GRID1: variants seen among roughly 807,000 people sequenced by gnomAD.
GRID1 encodes the protein glutamate ionotropic receptor delta type subunit 1, also known as glutamate receptor ionotropic, delta-1.
In GRID1, 28 loss-of-function variants were observed where a neutral mutation model predicts 98.0. The ratio of observed to expected loss-of-function variants is 0.29; its 90% CI spans 0.21 to 0.39. The LOEUF is 0.39. Among genes scored for constraint, GRID1 ranks in the 10% least tolerant of loss-of-function variants. The pLI, the probability that GRID1 is intolerant of heterozygous loss-of-function variation, is 1.00. For missense variants in GRID1, 1,111 were observed against 1,340.5 expected (o/e 0.83, Z 2.67); for synonymous variants, 553 against 538.5 (o/e 1.03, Z -0.37).
intron 4 of GRID1, among the ~76,000 whole-genome samples, chr10:86,119,058 C>T (rs982501706): frequency 2.6e-5 from 4 of 152,052 alleles, no homozygotes; most frequent in African/African-American, 9.7e-5. Flanking sequence ...AAATATAGGC[C>T]GGGCACAGTG....
chr10:85,970,310 T>G (rs1366888115), intron 4 of GRID1, among the ~76,000 whole-genome samples: 1 of 152,036 alleles, frequency 6.6e-6, no homozygotes, highest in African/African-American at 2.4e-5. Context: ...ACTTCCAAAC[T>G]CATTCTAAGA....
intron 13 of GRID1, among the ~76,000 whole-genome samples, chr10:85,637,248 A>T (rs1843056281): frequency 6.6e-6 from 1 of 152,224 alleles, no homozygotes; most frequent in Non-Finnish European, 1.5e-5. Flanking sequence ...TAGGTGGTGA[A>T]AAAAGAAATA....
intron 8 of GRID1, among the ~76,000 whole-genome samples, chr10:85,768,374 G>A (rs1842217444): frequency 6.7e-6 from 1 of 150,278 alleles, no homozygotes; most frequent in Non-Finnish European, 1.5e-5. Context: ...CATAAAAGAA[G>A]AAAATAGTAA....
chr10:86,284,726 G>C (rs1169462275), intron 2 of GRID1, among the ~76,000 whole-genome samples: 1 of 152,224 alleles, frequency 6.6e-6, no homozygotes, highest in Non-Finnish European at 1.5e-5. Context: ...CAGTAAACGT[G>C]GATGCTGTGG....
At chr10:85,695,638 G>A (rs1364268544) in intron 12 of GRID1, among the ~76,000 whole-genome samples, 1 of 152,150 alleles carries the variant, frequency 6.6e-6, no homozygotes, top group Non-Finnish European at 1.5e-5. Flanking sequence ...AAAAGATGTG[G>A]AATATCTCCA....
chr10:86,189,989 C>T (rs1361286885), intron 3 of GRID1, among the ~76,000 whole-genome samples: 1 of 152,158 alleles, frequency 6.6e-6, no homozygotes, highest in Non-Finnish European at 1.5e-5. Context: ...AGGCTGTTAC[C>T]TCCTGGGACC....
At chr10:86,017,180 C>T (rs1378982642) in intron 4 of GRID1, among the ~76,000 whole-genome samples, 2 of 152,222 alleles carry the variant, frequency 1.3e-5, no homozygotes, top group Non-Finnish European at 2.9e-5. Context: ...GAGACAATAA[C>T]TCAAATCTCT....
chr10:86,114,302 G>A (rs907939038), intron 4 of GRID1, among the ~76,000 whole-genome samples: 8 of 152,084 alleles, frequency 5.3e-5, no homozygotes, highest in Non-Finnish European at 1.0e-4. Context: ...CTAACCTTGT[G>A]GTCTATGCTT....
chr10:85,815,326 G>A (rs765409392), intron 8 of GRID1, among the ~76,000 whole-genome samples: 2 of 151,980 alleles, frequency 1.3e-5, no homozygotes, highest in Non-Finnish European at 2.9e-5. Flanking sequence ...CTCCCTAAGA[G>A]TGGGAACGAG....
chr10:85,648,502 C>A (rs914162061), intron 12 of GRID1, among the ~76,000 whole-genome samples: 8 of 152,146 alleles, frequency 5.3e-5, no homozygotes, highest in Non-Finnish European at 1.0e-4. Context: ...CCCACATCAT[C>A]ATCCCTCCCT....
chr10:85,960,101 G>A (rs375879482), intron 4 of GRID1, among the ~76,000 whole-genome samples: 1 of 151,958 alleles, frequency 6.6e-6, no homozygotes, highest in South Asian at 2.1e-4. Flanking sequence ...GTAGAGACAG[G>A]GTTGGCCAGG....
intron 1 of GRID1, 65 bp from the exon 2 acceptor site, chr10:86,364,161 G>C: frequency 1.5e-6 from 2 of 1,378,218 alleles, no homozygotes; most frequent in Non-Finnish European, 2.0e-6. Flanking sequence ...CCCTTGGCCC[G>C]AGGGTCAAGG....
chr10:86,228,558 G>A (rs1370273244), intron 2 of GRID1, among the ~76,000 whole-genome samples: 4 of 152,198 alleles, frequency 2.6e-5, no homozygotes, highest in South Asian at 4.1e-4. Flanking sequence ...TGACACCCTG[G>A]CCAGGCATCC....
chr10:85,743,917 G>A (rs967814570), intron 8 of GRID1, among the ~76,000 whole-genome samples: 1 of 152,138 alleles, frequency 6.6e-6, no homozygotes, highest in Non-Finnish European at 1.5e-5. Context: ...CATAGATTAA[G>A]TAAAGAAGGG....
At chr10:85,920,131 C>G (rs1042964036) in intron 4 of GRID1, among the ~76,000 whole-genome samples, 3 of 152,172 alleles carry the variant, frequency 2.0e-5, no homozygotes, top group African/African-American at 7.2e-5. Context: ...GTTTGGCTTC[C>G]TTTATGTTCC....
At chr10:85,957,995 C>G (rs936082247) in intron 4 of GRID1, among the ~76,000 whole-genome samples, 1 of 152,190 alleles carries the variant, frequency 6.6e-6, no homozygotes, top group Admixed American at 6.5e-5. Flanking sequence ...GAAACTCCCC[C>G]TAAGGGAGTC....
intron 2 of GRID1, among the ~76,000 whole-genome samples, chr10:86,211,327 T>C (rs755107076): frequency 1.8e-4 from 27 of 152,186 alleles, no homozygotes; most frequent in Non-Finnish European, 3.4e-4. Context: ...ACAGGCTTGA[T>C]GGACTGATAA....
At chr10:85,909,166 G>T (rs189336778) in intron 5 of GRID1, among the ~76,000 whole-genome samples, 1 of 152,146 alleles carries the variant, frequency 6.6e-6, no homozygotes, top group Non-Finnish European at 1.5e-5. Context: ...AGATCTAAAT[G>T]GCAAATAAGC....
chr10:85,768,963 T>C (rs1032043518), intron 8 of GRID1, among the ~76,000 whole-genome samples: 3 of 152,226 alleles, frequency 2.0e-5, no homozygotes, highest in Admixed American at 2.0e-4. Flanking sequence ...CAATACTCTT[T>C]TCAGAAGATT....
Sources: allele counts gnomAD v4.1 joint callset (sites outside exome capture counted in the v4.1 genomes callset), GRCh38; gene constraint gnomAD v4.1.1; transcripts MANE v1.5; gene names NCBI Gene and HGNC (gene_info 2026-07-23, HGNC 2026-07-21).